Variants in CRTC3 observed in about 807,000 individuals in gnomAD.
CRTC3 encodes CREB regulated transcription coactivator 3.
CRTC3 carries 26 observed loss-of-function variants against 74.5 expected under a neutral mutation model. That is an observed-to-expected ratio of 0.35 (90% CI 0.26 to 0.48). CRTC3 has a LOEUF of 0.48. Ranked by LOEUF, CRTC3 falls within the 20% of genes least tolerant of loss-of-function variation. The pLI, the probability that CRTC3 is intolerant of heterozygous loss-of-function variation, is 0.99. For missense variants in CRTC3, 760 were observed against 787.3 expected (o/e 0.97, Z 0.41); for synonymous variants, 377 against 325.8 (o/e 1.16, Z -1.69).
At chr15:90,617,269 T>C (rs1276859334) in intron 7 of CRTC3, among the ~76,000 whole-genome samples, 2 of 152,160 alleles carry the variant, frequency 1.3e-5, no homozygotes, top group Admixed American at 6.5e-5. Flanking sequence ...GGGCTTCCAC[T>C]CGTTTTTTCC....
At chr15:90,543,518 T>C (rs1966837489) in intron 2 of CRTC3, among the ~76,000 whole-genome samples, 1 of 152,174 alleles carries the variant, frequency 6.6e-6, no homozygotes, top group African/African-American at 2.4e-5. Context: ...ATTTATTCAT[T>C]TTTGAAGCAA....
intron 9 of CRTC3, among the ~76,000 whole-genome samples, chr15:90,622,280 C>T (rs142414477): frequency 2.0e-3 from 301 of 152,278 alleles, no homozygotes; most frequent in African/African-American, 7.1e-3. Flanking sequence ...AAAGGAACCA[C>T]CTGTATTTCT....
chr15:90,562,057 G>A (rs1303833721), intron 2 of CRTC3, among the ~76,000 whole-genome samples: 2 of 152,172 alleles, frequency 1.3e-5, no homozygotes, highest in African/African-American at 4.8e-5. Flanking sequence ...TAATGTCTTA[G>A]CTCTTTTCTG....
intron 2 of CRTC3, among the ~76,000 whole-genome samples, chr15:90,561,997 T>C (rs905516316): frequency 6.6e-6 from 1 of 152,334 alleles, no homozygotes; most frequent in Admixed American, 6.5e-5. Context: ...AGTCAGTGCC[T>C]CAAGGAACTC....
chr15:90,613,232 C>T (rs1044264014), intron 6 of CRTC3, among the ~76,000 whole-genome samples: 18 of 151,242 alleles, frequency 1.2e-4, no homozygotes, highest in African/African-American at 4.4e-4. Flanking sequence ...GGCCGACTCT[C>T]ACACCTTCTG....
In CRTC3 at chr15:90,566,930, C is replaced by T. The variant is rs536076693; in HGVS notation, c.232-26706C>T. ...TTCACTATGTTGGTCAGGCTGGTCT[C>T]GAACTCCTGACCTCAGGTAACTCAC... is the stretch of plus-strand genomic sequence containing the variant. On this transcript the variant is annotated intron_variant, in intron 2 of 14. Coordinates refer to ENST00000268184, the MANE Select transcript of CRTC3 (RefSeq NM_022769.5). 1.2e-4 allele frequency among the ~76,000 whole-genome samples: 19 copies of T among 152,074 alleles called. No homozygotes were observed. In the East Asian group the frequency reaches 2.7e-3, roughly 22 times the overall value.
At chr15:90,640,855 G>A (rs1294124179) in intron 13 of CRTC3, among the ~76,000 whole-genome samples, 1 of 152,046 alleles carries the variant, frequency 6.6e-6, no homozygotes, top group Non-Finnish European at 1.5e-5. Context: ...ATGGTGTAGT[G>A]GGCTGGGGAA....
intron 2 of CRTC3, among the ~76,000 whole-genome samples, chr15:90,584,332 G>T (rs1461354098): frequency 6.6e-6 from 1 of 151,330 alleles, no homozygotes; most frequent in Non-Finnish European, 1.5e-5. Flanking sequence ...CCACCTCCTG[G>T]ATTCAAACAA....
intron 2 of CRTC3, among the ~76,000 whole-genome samples, chr15:90,586,351 T>C (rs1438490503): frequency 6.7e-6 from 1 of 149,290 alleles, no homozygotes; most frequent in African/African-American, 2.5e-5. Context: ...TTTTAAAACT[T>C]GGTAGAACTT....
At chr15:90,581,310 G>GT (rs1161425844) in intron 2 of CRTC3, among the ~76,000 whole-genome samples, 1 of 152,134 alleles carries the variant, frequency 6.6e-6, no homozygotes, top group Non-Finnish European at 1.5e-5. Context: ...CAGGATGTAA[G>GT]TTTTTTTAAA....
intron 2 of CRTC3, among the ~76,000 whole-genome samples, chr15:90,576,644 A>G (rs1408560401): frequency 6.6e-6 from 1 of 152,198 alleles, no homozygotes; most frequent in Non-Finnish European, 1.5e-5. Flanking sequence ...AAGACTGGAA[A>G]GAAACACTCA....
intron 11 of CRTC3, chr15:90,634,905 C>G (rs373590855): frequency 2.5e-6 from 4 of 1,574,506 alleles, no homozygotes; most frequent in Middle Eastern, 1.7e-4. Flanking sequence ...TGGAGAGATT[C>G]AACCAGTTAG....
chr15:90,615,407 G>A, intron 7 of CRTC3, among the ~76,000 whole-genome samples: 1 of 152,144 alleles, frequency 6.6e-6, no homozygotes, highest in Non-Finnish European at 1.5e-5. Context: ...AACTAAATTA[G>A]GTTTATATGT....
At position 90,530,089 on chromosome 15, in the gene CRTC3, C is replaced by A. The variant is rs747447244; in HGVS notation, c.18C>A (p.Gly6=). 9.7e-6 allele frequency: 14 copies of A among 1,442,224 alleles called. No individual in the cohort carries two copies. The East Asian group carries it at 4.1e-4, about 42-fold the overall frequency. 89.3% of individuals were successfully genotyped at this position (1,442,224 alleles called of 1,614,324 possible). A position where few individuals can be genotyped will look rare whatever the true frequency, so the allele number is the denominator to read the frequency against. The change falls in exon 1 of 15, where the codon GGC becomes GGA. Residue 6 remains glycine (G), a synonymous_variant. Coordinates refer to ENST00000268184, the MANE Select transcript of CRTC3 (RefSeq NM_022769.5). The surrounding 1 kb of genome is among the most constrained non-coding windows in gnomAD (Gnocchi z 6.2). ...TCCGCGCCATGGCCGCCTCGCCGGG[C>A]TCGGGCAGCGCCAACCCGCGGAAGT... MAASP[G]SGSANPRKFS... is the part of the protein sequence containing the mutation.
At chr15:90,569,789 A>G (rs1967218562) in intron 2 of CRTC3, among the ~76,000 whole-genome samples, 1 of 152,012 alleles carries the variant, frequency 6.6e-6, no homozygotes, top group Admixed American at 6.6e-5. Context: ...TATATTGCCT[A>G]GGCTGACATC....
chr15:90,627,841 C>T, intron 10 of CRTC3, among the ~76,000 whole-genome samples: 1 of 95,764 alleles, frequency 1.0e-5, no homozygotes, highest in African/African-American at 3.2e-5. Flanking sequence ...GTCTTGATCT[C>T]CTGACCTCAT....
chr15:90,607,963 C>A (rs1053714770), intron 6 of CRTC3, among the ~76,000 whole-genome samples: 2 of 152,150 alleles, frequency 1.3e-5, no homozygotes, highest in African/African-American at 4.8e-5. Flanking sequence ...GAGACTGAAC[C>A]CCAGCATGAG....
At chr15:90,604,298 G>A (rs1968159603) in intron 4 of CRTC3, 87 bp from the exon 5 acceptor site, 3 of 956,650 alleles carry the variant, frequency 3.1e-6, no homozygotes, top group Non-Finnish European at 5.1e-6. Flanking sequence ...GAGTAGAAGA[G>A]CCAGTTCTCA....
intron 2 of CRTC3, among the ~76,000 whole-genome samples, chr15:90,581,695 A>G (rs189775145): frequency 6.1e-4 from 93 of 152,238 alleles, no homozygotes; most frequent in Non-Finnish European, 1.2e-3. Flanking sequence ...CAGATTCAAT[A>G]TTTTTCAACA....
Sources: gnomAD v4.1 joint callset for allele counts (sites outside exome capture counted in the v4.1 genomes callset) on GRCh38, gnomAD v4.1.1 for gene constraint, Gnocchi (gnomAD v3.1) non-coding constraint, MANE v1.5 for transcripts, NCBI Gene and HGNC (gene_info 2026-07-23, HGNC 2026-07-21) for gene names.